The following GFRA1 variants were observed in gnomAD, a reference collection of about 807,000 sequenced individuals.
GFRA1 encodes GDNF family receptor alpha 1.
A neutral mutation model predicts 51.6 loss-of-function variants in GFRA1; 16 were observed. The observed-to-expected ratio is 0.31, with a 90% CI of 0.21 to 0.47. The LOEUF is 0.47. Among genes scored for constraint, GFRA1 ranks in the 20% least tolerant of loss-of-function variants. The pLI is 1.00. For synonymous variants in GFRA1, 270 were observed against 241.3 expected (o/e 1.12, Z -1.10); for missense variants, 530 against 594.3 (o/e 0.89, Z 1.13).
chr10:116,239,481 T>C (rs1433201136), intron 4 of GFRA1, among the ~76,000 whole-genome samples: 3 of 152,180 alleles, frequency 2.0e-5, no homozygotes, highest in African/African-American at 7.2e-5. Context: ...AGGCAGTGAA[T>C]CTAATGAGTT....
chr10:116,171,441 ATATATTT>A (rs1555162767), intron 5 of GFRA1, among the ~76,000 whole-genome samples: 4 of 152,246 alleles, frequency 2.6e-5, no homozygotes, highest in Non-Finnish European at 1.5e-5. Context: ...TCCGGCTTAA[ATATATTT>A]TGCCTTGTAA....
At chr10:116,224,836 G>A (rs1966168022) in intron 4 of GFRA1, among the ~76,000 whole-genome samples, 1 of 152,168 alleles carries the variant, frequency 6.6e-6, no homozygotes, top group Non-Finnish European at 1.5e-5. Flanking sequence ...TACAGTGTGT[G>A]AAGTCCTGGG....
At chr10:116,228,999 A>AG (rs1283157461) in intron 4 of GFRA1, among the ~76,000 whole-genome samples, 2 of 148,836 alleles carry the variant, frequency 1.3e-5, no homozygotes, top group East Asian at 3.9e-4. Flanking sequence ...AAAAAAAAAA[A>AG]AAAAAAAAGA....
At chr10:116,191,989 T>C (rs1044769805) in intron 5 of GFRA1, among the ~76,000 whole-genome samples, 2 of 152,164 alleles carry the variant, frequency 1.3e-5, no homozygotes, top group African/African-American at 4.8e-5. Flanking sequence ...ATCGCGCCAT[T>C]GCACTCCAGC....
At chr10:116,211,694 G>A (rs1226066254) in intron 4 of GFRA1, 49 bp from the exon 5 acceptor site, 2 of 1,347,702 alleles carry the variant, frequency 1.5e-6, no homozygotes, top group Non-Finnish European at 2.1e-6. Context: ...AGAAAGAGAG[G>A]AGAAAAAATA....
chr10:116,065,671 A>T, intron 9 of GFRA1, 45 bp from the exon 10 acceptor site: 1 of 1,476,732 alleles, frequency 6.8e-7, no homozygotes, highest in Non-Finnish European at 9.5e-7. Flanking sequence ...AATACAGAAG[A>T]GTAATTACTG....
chr10:116,094,788 A>G (rs896092635), intron 7 of GFRA1, among the ~76,000 whole-genome samples: 1 of 152,202 alleles, frequency 6.6e-6, no homozygotes, highest in Admixed American at 6.5e-5. Context: ...ATAACATCGC[A>G]TTATACCTTG....
At chr10:116,134,475 G>T (rs1958236310) in intron 5 of GFRA1, among the ~76,000 whole-genome samples, 1 of 152,190 alleles carries the variant, frequency 6.6e-6, no homozygotes, top group Non-Finnish European at 1.5e-5. Context: ...TGATCATACA[G>T]GTTGTGACCC....
intron 2 of GFRA1, among the ~76,000 whole-genome samples, 172 bp from the exon 3 acceptor site, chr10:116,271,287 TG>T (rs1192514052): frequency 1.2e-4 from 18 of 152,184 alleles, no homozygotes; most frequent in Middle Eastern, 3.4e-3. Flanking sequence ...TCCCGCCCCC[TG>T]GAATTCCAGC....
chr10:116,100,747 A>G (rs1956786687), intron 6 of GFRA1, among the ~76,000 whole-genome samples: 1 of 152,202 alleles, frequency 6.6e-6, no homozygotes, highest in Non-Finnish European at 1.5e-5. Flanking sequence ...CAATGGGAAG[A>G]GCAAGAAATT....
intron 9 of GFRA1, among the ~76,000 whole-genome samples, chr10:116,081,488 A>G (rs894083177): frequency 2.6e-5 from 4 of 152,222 alleles, no homozygotes; most frequent in African/African-American, 9.6e-5. Flanking sequence ...TCGGTAATAC[A>G]GTGTAGCCAT....
chr10:116,100,314 C>A (rs1005601332), intron 6 of GFRA1, among the ~76,000 whole-genome samples: 3 of 152,220 alleles, frequency 2.0e-5, no homozygotes, highest in African/African-American at 7.2e-5. Flanking sequence ...TACTTCCAAT[C>A]AAGCCCATTT....
chr10:116,177,056 G>A (rs1487518411), intron 5 of GFRA1, among the ~76,000 whole-genome samples: 1 of 152,142 alleles, frequency 6.6e-6, no homozygotes, highest in Non-Finnish European at 1.5e-5. Flanking sequence ...GCTTGTTTAG[G>A]GCCAGGTAAA....
chr10:116,206,421 C>T lies in GFRA1; in HGVS notation c.433+5210G>A, dbSNP rs566869944. ...CTCAAGTCAAGCTCCTGATAAATGG[C>T]AGTGGGCCCGTCACCACAAGCCCAC... On this transcript the variant is annotated intron_variant, in intron 5 of 10. Coordinates refer to ENST00000355422, the MANE Select transcript of GFRA1 (RefSeq NM_005264.8). 2.0e-5 allele frequency among the ~76,000 whole-genome samples: 3 copies of T among 152,232 alleles called. 1 individual carries two copies. The highest frequency in any genetic ancestry group is 2.1e-4 in the South Asian group (1 of 4,824).
At chr10:116,267,127 C>T (rs2134800267) in intron 4 of GFRA1, among the ~76,000 whole-genome samples, 1 of 151,676 alleles carries the variant, frequency 6.6e-6, no homozygotes, top group East Asian at 2.0e-4. Flanking sequence ...GGCGACAGAT[C>T]AAGACCCTGT....
At chr10:116,076,623 C>T (rs917306912) in intron 9 of GFRA1, among the ~76,000 whole-genome samples, 1 of 152,192 alleles carries the variant, frequency 6.6e-6, no homozygotes, top group Non-Finnish European at 1.5e-5. Flanking sequence ...GGTCACCAGA[C>T]TGCACCTCAG....
intron 9 of GFRA1, among the ~76,000 whole-genome samples, chr10:116,067,364 G>A (rs1029536999): frequency 2.6e-5 from 4 of 152,146 alleles, no homozygotes; most frequent in Admixed American, 2.6e-4. Context: ...CCCTTGCTAA[G>A]GGCCTTTGCA....
chr10:116,065,342 G>C (rs1040318793), intron 10 of GFRA1, among the ~76,000 whole-genome samples: 6 of 152,194 alleles, frequency 3.9e-5, no homozygotes, highest in African/African-American at 1.4e-4. Flanking sequence ...TGGAACACTT[G>C]TATTAATCCT....
chr10:116,079,694 A>C (rs746706466), intron 9 of GFRA1, among the ~76,000 whole-genome samples: 9 of 152,084 alleles, frequency 5.9e-5, no homozygotes, highest in Non-Finnish European at 1.3e-4. Flanking sequence ...CCCCGTAACA[A>C]TTTTGCAGAC....
Sources: gnomAD v4.1 joint callset for allele counts (sites outside exome capture counted in the v4.1 genomes callset) on GRCh38, gnomAD v4.1.1 for gene constraint, MANE v1.5 for transcripts, NCBI Gene and HGNC (gene_info 2026-07-23, HGNC 2026-07-21) for gene names.